GREB1L: variants seen among roughly 807,000 people sequenced by gnomAD.
GREB1L encodes GREB1 like retinoic acid receptor coactivator.
A neutral mutation model predicts 200.8 loss-of-function variants in GREB1L; 17 were observed. That is an observed-to-expected ratio of 0.08 (90% CI 0.06 to 0.13). The LOEUF is 0.13. GREB1L is among the 10% of genes least tolerant of loss of function. The pLI is 1.00. For missense variants in GREB1L, 1,657 were observed against 2,367.7 expected (o/e 0.70, Z 6.23); for synonymous variants, 789 against 893.0 (o/e 0.88, Z 2.08).
At chr18:21,356,604 C>T (rs906348037) in intron 1 of GREB1L, among the ~76,000 whole-genome samples, 6 of 152,194 alleles carry the variant, frequency 3.9e-5, no homozygotes, top group South Asian at 4.1e-4. Flanking sequence ...TTCATAACTT[C>T]GCTATTATGA....
chr18:21,516,877 G>GTTT (rs11413472), intron 30 of GREB1L, 123 bp downstream of exon 30: 10,465 of 488,822 alleles, frequency 0.021, no homozygotes, highest in Non-Finnish European at 0.025. Flanking sequence ...ACACAAGGGA[G>GTTT]TTTTTTTTTT....
In GREB1L at chr18:21,522,876, C is replaced by T. The variant is rs542466804; in HGVS notation, c.*55C>T. The stretch of plus-strand genomic sequence containing the variant: ...ATGCCTAGGTGGGATGGGACAGAAA[C>T]AATTTGGGATTTTTCTTTTTCCTTT... On this transcript the variant is annotated 3_prime_UTR_variant, in exon 33 of 33. Coordinates refer to ENST00000424526, the MANE Select transcript of GREB1L (RefSeq NM_001142966.3). 7.1e-5 allele frequency: 102 copies of T among 1,437,344 alleles called. No individual in the cohort carries two copies. In the African/African-American group the frequency reaches 1.3e-3, roughly 18 times the overall value. 89.0% of individuals were successfully genotyped at this position (1,437,344 alleles called of 1,614,324 possible). A position where few individuals can be genotyped will look rare whatever the true frequency, so the allele number is the denominator to read the frequency against.
In GREB1L at chr18:21,464,318, A is replaced by G. The variant is rs529429255; in HGVS notation, c.2183-8713A>G. Among the ~76,000 whole-genome samples the G allele has an allele frequency of 5.6e-3, 848 of 152,182 alleles. 3 individuals are homozygous for G. The highest frequency in any genetic ancestry group is 9.2e-3 in the Non-Finnish European group (627 of 68,000). ...GCCGAGGGGGGCGGATCATGAGGTC[A>G]AGAGATCGAGACTATCCTGGTCTCT... On this transcript the variant is annotated intron_variant, in intron 15 of 32. Coordinates refer to ENST00000424526, the MANE Select transcript of GREB1L (RefSeq NM_001142966.3).
chr18:21,497,427 G>A (rs919538174), intron 21 of GREB1L, among the ~76,000 whole-genome samples: 12 of 152,178 alleles, frequency 7.9e-5, no homozygotes, highest in African/African-American at 2.7e-4. Flanking sequence ...TGGATCACCT[G>A]AGGTCAGGAG....
At chr18:21,393,844 G>A (rs147399361) in intron 4 of GREB1L, among the ~76,000 whole-genome samples, 1,601 of 152,248 alleles carry the variant, frequency 0.011, 31 homozygotes, top group African/African-American at 0.036. Context: ...TTACAGGTGT[G>A]AGCCACTGCG....
At chr18:21,415,126 G>C (rs972014775) in intron 7 of GREB1L, among the ~76,000 whole-genome samples, 5 of 152,150 alleles carry the variant, frequency 3.3e-5, no homozygotes, top group Admixed American at 3.3e-4. Flanking sequence ...ACAAAGAAGA[G>C]AGAAACCCAC....
intron 11 of GREB1L, among the ~76,000 whole-genome samples, chr18:21,448,008 C>T (rs549777951): frequency 5.2e-4 from 79 of 151,942 alleles, no homozygotes; most frequent in Admixed American, 5.1e-3. Context: ...ATCAAAAATA[C>T]AAAAATTAGC....
At chr18:21,345,697 AC>A (rs1196505416) in intron 1 of GREB1L, among the ~76,000 whole-genome samples, 1 of 151,708 alleles carries the variant, frequency 6.6e-6, no homozygotes, top group Non-Finnish European at 1.5e-5. Flanking sequence ...ACATGGTGAA[AC>A]CCATCTCTAC....
intron 1 of GREB1L, among the ~76,000 whole-genome samples, chr18:21,268,583 A>G (rs1473399990): frequency 1.5e-5 from 2 of 132,088 alleles, no homozygotes; most frequent in African/African-American, 3.0e-5. Context: ...ATATATATAT[A>G]TATATATATA....
intron 7 of GREB1L, among the ~76,000 whole-genome samples, chr18:21,416,132 C>G (rs910780391): frequency 2.0e-5 from 3 of 151,904 alleles, no homozygotes; most frequent in African/African-American, 7.3e-5. Flanking sequence ...CGAAAAAGAC[C>G]CAAATTAAAC....
intron 1 of GREB1L, among the ~76,000 whole-genome samples, chr18:21,345,650 A>G (rs2039333609): frequency 6.6e-6 from 1 of 152,094 alleles, no homozygotes; most frequent in African/African-American, 2.4e-5. Context: ...AGGTGGGTGG[A>G]TCACTTGAGG....
chr18:21,252,557 GAA>G (rs144115588), intron 1 of GREB1L, among the ~76,000 whole-genome samples: 10 of 77,424 alleles, frequency 1.3e-4, no homozygotes, highest in East Asian at 7.7e-4. Flanking sequence ...AACTCCATCT[GAA>G]AAAAAAAAAA....
At position 21,472,987 on chromosome 18, in the gene GREB1L, T is replaced by A; in HGVS notation, c.2183-44T>A. ...AGTCTATCTCCTGTGTGTGTGTGTA[T>A]GTGTAAAAGTGTGTTAAAAGATGAA... is the stretch of plus-strand genomic sequence containing the variant. On this transcript the variant is annotated intron_variant, in intron 15 of 32. Coordinates refer to ENST00000424526, the MANE Select transcript of GREB1L (RefSeq NM_001142966.3). The A allele has an allele frequency of 3.0e-6, 4 of 1,329,870 alleles. No homozygotes were observed. The South Asian group carries it at 4.5e-5, about 15-fold the overall frequency. The allele number at this position is 1,329,870 out of a possible 1,614,324, so 82.4% of individuals were successfully genotyped here.
chr18:21,367,905 G>A (rs891673397), intron 2 of GREB1L, among the ~76,000 whole-genome samples: 8 of 152,156 alleles, frequency 5.3e-5, no homozygotes, highest in African/African-American at 1.7e-4. Context: ...TCAAGAGACC[G>A]CTTATATGAT....
intron 1 of GREB1L, among the ~76,000 whole-genome samples, chr18:21,305,167 G>C (rs760009090): frequency 2.0e-5 from 3 of 151,910 alleles, no homozygotes; most frequent in African/African-American, 7.3e-5. Flanking sequence ...GTAGAGACGG[G>C]GTTTCACCAT....
At chr18:21,497,821 C>T (rs866143839) in intron 21 of GREB1L, among the ~76,000 whole-genome samples, 130 of 80,988 alleles carry the variant, frequency 1.6e-3, no homozygotes, top group Middle Eastern at 0.017. Flanking sequence ...ACCCCCCCCC[C>T]TTTTTTTTTT....
intron 1 of GREB1L, among the ~76,000 whole-genome samples, chr18:21,346,051 T>C (rs1388732054): frequency 6.6e-6 from 1 of 152,072 alleles, no homozygotes; most frequent in African/African-American, 2.4e-5. Flanking sequence ...CAGTAAATAC[T>C]CGTTGAATGA....
At chr18:21,305,735 G>A (rs2038688625) in intron 1 of GREB1L, among the ~76,000 whole-genome samples, 1 of 152,154 alleles carries the variant, frequency 6.6e-6, no homozygotes. Flanking sequence ...TAAATTCTTT[G>A]CCCTGTGAGA....
At chr18:21,508,712 TC>T in intron 27 of GREB1L, 121 bp downstream of exon 27, 8 of 459,308 alleles carry the variant, frequency 1.7e-5, no homozygotes, top group Non-Finnish European at 2.7e-5. Context: ...TCACCACTCT[TC>T]GGAAAAAAAA....
Sources: gnomAD v4.1 joint callset for allele counts (sites outside exome capture counted in the v4.1 genomes callset) on GRCh38, gnomAD v4.1.1 for gene constraint, MANE v1.5 for transcripts, NCBI Gene and HGNC (gene_info 2026-07-23, HGNC 2026-07-21) for gene names.